Variants in BPIFB4 observed in about 807,000 individuals in gnomAD.
BPIFB4 encodes BPI fold-containing family B member 4.
A neutral mutation model predicts 69.2 loss-of-function variants in BPIFB4; 62 were observed. That is an observed-to-expected ratio of 0.90 (90% CI 0.73 to 1.11). The LOEUF is 1.11. Among genes scored for constraint, BPIFB4 ranks in the 50% least tolerant of loss-of-function variants. The pLI is 0.00. For synonymous variants in BPIFB4, 330 were observed against 332.7 expected (o/e 0.99, Z 0.09); for missense variants, 789 against 792.0 (o/e 1.00, Z 0.04).
intron 3 of BPIFB4, among the ~76,000 whole-genome samples, chr20:33,082,428 G>A (rs1034298798): frequency 1.1e-4 from 16 of 152,086 alleles, no homozygotes; most frequent in African/African-American, 2.7e-4. Context: ...CCTCCTCCCC[G>A]TTTCAAGCGA....
chr20:33,099,919 T>C (rs1433894125), intron 13 of BPIFB4, among the ~76,000 whole-genome samples: 1 of 111,730 alleles, frequency 9.0e-6, no homozygotes, highest in African/African-American at 3.2e-5. Context: ...CAAAAAGGCC[T>C]CTACTTGGAG....
In BPIFB4 at chr20:33,089,049, T is replaced by A; in HGVS notation, c.990+20T>A. 6.2e-7 allele frequency: 1 copy of A among 1,613,714 alleles called. No homozygotes were observed. The highest frequency in any genetic ancestry group is 8.5e-7 in the Non-Finnish European group (1 of 1,179,734). On this transcript the variant is annotated intron_variant, in intron 8 of 17. Transcript: ENST00000375483. ...GACTTGGTAAGAAGCTGTCCCAGTATGGGAGCAAGGGGCACAGGCTTCCCC... is the reference window on the plus strand; with the variant it reads ...GACTTGGTAAGAAGCTGTCCCAGTAAGGGAGCAAGGGGCACAGGCTTCCCC...
At chr20:33,095,406 C>T (rs547791497) in intron 12 of BPIFB4, among the ~76,000 whole-genome samples, 9 of 152,322 alleles carry the variant, frequency 5.9e-5, no homozygotes, top group South Asian at 2.1e-4. Flanking sequence ...CTAATCCTAG[C>T]CTGGCCACTT....
chr20:33,109,864 A>G (rs1982185763), intron 17 of BPIFB4, among the ~76,000 whole-genome samples: 1 of 152,042 alleles, frequency 6.6e-6, no homozygotes, highest in African/African-American at 2.4e-5. Context: ...CCCAGGCTTG[A>G]CCCTGTAGGC....
intron 11 of BPIFB4, 134 bp from the exon 12 acceptor site, chr20:33,094,966 G>GTC (rs1600558852): frequency 2.4e-6 from 2 of 838,148 alleles, no homozygotes; most frequent in East Asian, 2.6e-5. Flanking sequence ...TTCCCCAGGG[G>GTC]TCTTTCAGGG....
chr20:33,104,862 C>T lies in BPIFB4; in HGVS notation c.1733C>T (p.Pro578Leu). 1 of 1,614,054 alleles carries T rather than the reference C, an allele frequency of 6.2e-7. No homozygotes were observed. Among genetic ancestry groups the T allele is most frequent in the Non-Finnish European group, 8.5e-7 (1 of 1,179,986 alleles). Residue 578 changes from proline (P) to leucine (L), a missense_variant, in exon 16 of 18, where the codon CCC (proline) becomes CTC (leucine). Around this residue, in one of 3 missense-constraint regions of BPIFB4, gnomAD observed 170 missense variants for 193.6 expected, o/e 0.88. Coordinates refer to ENST00000375483, the MANE Select transcript of BPIFB4 (RefSeq NM_182519.3). ...VEKIFDLAFM[P>L]AMNAVLGSGV... ...AAGATTTTTGACCTGGCATTCATGC[C>T]CGCAATGAACGGTGAGAGCGGGTGC...
intron 17 of BPIFB4, 112 bp from the exon 18 acceptor site, chr20:33,111,302 A>G (rs1041494990): frequency 5.0e-6 from 7 of 1,414,064 alleles, no homozygotes; most frequent in Non-Finnish European, 6.9e-6. Context: ...TCCGCTGTTC[A>G]GAGTTACTGC....
intron 12 of BPIFB4, among the ~76,000 whole-genome samples, chr20:33,095,956 T>C (rs1981741833): frequency 1.3e-5 from 2 of 152,238 alleles, no homozygotes; most frequent in Non-Finnish European, 2.9e-5. Context: ...CAAAGGGCTC[T>C]GTACCTAGTA....
chr20:33,101,460 C>T (rs556853543), intron 14 of BPIFB4, among the ~76,000 whole-genome samples: 28 of 152,318 alleles, frequency 1.8e-4, no homozygotes, highest in Non-Finnish European at 3.2e-4. Flanking sequence ...GTCACTACCT[C>T]GTAAGATTCA....
At chr20:33,082,217 AG>A (rs1163115558) in intron 3 of BPIFB4, among the ~76,000 whole-genome samples, 1 of 152,210 alleles carries the variant, frequency 6.6e-6, no homozygotes, top group Non-Finnish European at 1.5e-5. Context: ...TTCCTATTTA[AG>A]TGATCTCTGA....
chr20:33,098,437 AG>A (rs1862599286), intron 13 of BPIFB4, among the ~76,000 whole-genome samples: 1 of 152,210 alleles, frequency 6.6e-6, no homozygotes, highest in African/African-American at 2.4e-5. Context: ...TTTCATAGAA[AG>A]GAATCCTCTT....
At chr20:33,081,339 A>G (rs918249110) in intron 2 of BPIFB4, among the ~76,000 whole-genome samples, 173 bp from the exon 3 acceptor site, 1 of 152,236 alleles carries the variant, frequency 6.6e-6, no homozygotes, top group African/African-American at 2.4e-5. Flanking sequence ...GAAAAACTCA[A>G]AAGGTAGTAT....
intron 13 of BPIFB4, 140 bp downstream of exon 13, chr20:33,097,927 T>A: frequency 1.1e-6 from 1 of 898,774 alleles, no homozygotes; most frequent in Non-Finnish European, 1.7e-6. Context: ...CCAGAGGCTC[T>A]AACCCAAATC....
chr20:33,085,111 A>T lies in BPIFB4; in HGVS notation c.782+115A>T, dbSNP rs892222299. The T allele has an allele frequency of 7.4e-6, 11 of 1,482,592 alleles. No individual in the cohort carries two copies. The African/African-American group carries it at 1.5e-4, about 21-fold the overall frequency. 91.8% of individuals were successfully genotyped at this position (1,482,592 alleles called of 1,614,324 possible). A position where few individuals can be genotyped will look rare whatever the true frequency, so the allele number is the denominator to read the frequency against. On this transcript the variant is annotated intron_variant, in intron 6 of 17. Coordinates refer to ENST00000375483, the MANE Select transcript of BPIFB4 (RefSeq NM_182519.3). ...TGCCAGTGCATGCCCACAGACTTGC[A>T]CCAGAGGCCATCTGTCAGCGGTGAA...
intron 14 of BPIFB4, 142 bp from the exon 15 acceptor site, chr20:33,102,830 C>T: frequency 4.7e-6 from 4 of 847,862 alleles, no homozygotes; most frequent in Non-Finnish European, 7.9e-6. Flanking sequence ...ATGTGAGAGC[C>T]AGCATTGTTC....
chr20:33,092,132 G>A lies in BPIFB4; in HGVS notation c.1144-326G>A, dbSNP rs142528079. Reference sequence around the variant, plus strand: ...CAGATCACCTAGCACCTTGTAGACCGTGGAGAGGAGTCTGGTCTTTAGAGG... The same window carrying A: ...CAGATCACCTAGCACCTTGTAGACCATGGAGAGGAGTCTGGTCTTTAGAGG... On this transcript the variant is annotated intron_variant, in intron 10 of 17. Coordinates refer to ENST00000375483, the MANE Select transcript of BPIFB4 (RefSeq NM_182519.3). Among the ~76,000 whole-genome samples the A allele has an allele frequency of 6.6e-5, 10 of 152,272 alleles. 3 individuals are homozygous for A. Among genetic ancestry groups the A allele is most frequent in the East Asian group, 1.9e-4 (1 of 5,164 alleles).
rs776747217 is a variant in BPIFB4, at chr20:33,111,420, T to TGGCA, written c.1828_1829insGGCA (p.Leu610TrpfsTer99). The TGGCA allele has an allele frequency of 6.2e-7, 1 of 1,613,996 alleles. No individual in the cohort carries two copies. Among genetic ancestry groups the TGGCA allele is most frequent in the Non-Finnish European group, 8.5e-7 (1 of 1,179,910 alleles). ...CTCTGTTCTGCCATCCAAGGACCTT[T>TGGCA]TGGTGCTGAGCGCATGAGTGACAGA... On this transcript the variant is annotated frameshift_variant, in exon 18 of 18. Transcript: ENST00000375483. LOFTEE classifies it high-confidence loss of function.
rs1981410421 is a variant in BPIFB4 at position 33,085,947 on chromosome 20, C to T, written c.783-74C>T. On this transcript the variant is annotated intron_variant, in intron 6 of 17. Coordinates refer to ENST00000375483, the MANE Select transcript of BPIFB4 (RefSeq NM_182519.3). The stretch of plus-strand genomic sequence containing the variant: ...TAGCAGATGGCAGGGACAGCAAGGA[C>T]AGGCCTGGGTAAGGGTGAGCTCCTG... The T allele has an allele frequency of 1.5e-5, 22 of 1,511,164 alleles. No homozygotes were observed. In the South Asian group the frequency reaches 2.1e-4, roughly 14 times the overall value. 93.6% of individuals were successfully genotyped at this position (1,511,164 alleles called of 1,614,324 possible). A position where few individuals can be genotyped will look rare whatever the true frequency, so the allele number is the denominator to read the frequency against.
chr20:33,084,850 G>A, intron 5 of BPIFB4, 42 bp from the exon 6 acceptor site: 1 of 1,591,942 alleles, frequency 6.3e-7, no homozygotes, highest in East Asian at 2.3e-5. Flanking sequence ...GTGGGTGGTA[G>A]TTGGGGTGGC....
Sources: allele counts gnomAD v4.1 joint callset (sites outside exome capture counted in the v4.1 genomes callset), GRCh38; gene constraint gnomAD v4.1.1; regional missense constraint gnomAD v4.1.1; transcripts MANE v1.5; gene names NCBI Gene and HGNC (gene_info 2026-07-23, HGNC 2026-07-21).